Variants in KIZ observed in about 807,000 individuals in gnomAD.
The protein encoded by KIZ is kizuna centrosomal protein.
Under a neutral mutation model 79.6 loss-of-function variants are expected in KIZ, and 68 were observed. That is an observed-to-expected ratio of 0.85 (90% confidence interval 0.70 to 1.05). KIZ has a LOEUF of 1.05. Among genes scored for constraint, KIZ ranks in the 50% least tolerant of loss-of-function variants. The probability of loss-of-function intolerance (pLI) is 0.00; values close to 1 mark genes in which losing one functional copy is unlikely to be tolerated. For synonymous variants in KIZ, 280 were observed against 281.8 expected (o/e 0.99, Z 0.06); for missense variants, 797 against 800.4 (o/e 1.00, Z 0.05).
chr20:21,199,281 T>G (rs1196685501), intron 6 of KIZ, among the ~76,000 whole-genome samples: 2 of 152,356 alleles, frequency 1.3e-5, no homozygotes, highest in East Asian at 3.9e-4. Context: ...TCTACAGTTA[T>G]GTGTAAATCA....
At chr20:21,158,946 C>T (rs534423237) in intron 4 of KIZ, among the ~76,000 whole-genome samples, 1 of 151,724 alleles carries the variant, frequency 6.6e-6, no homozygotes, top group East Asian at 1.9e-4. Flanking sequence ...GTGTGTGCCA[C>T]CATGCCCAGC....
chr20:21,200,409 A>G (rs542645590), intron 6 of KIZ, among the ~76,000 whole-genome samples: 3 of 152,020 alleles, frequency 2.0e-5, no homozygotes, highest in East Asian at 3.9e-4. Flanking sequence ...CTTTATTTCT[A>G]TTATTATTAC....
rs1446646906 is a variant in KIZ at position 21,162,277 on chromosome 20, C to T, written c.812C>T (p.Ser271Phe). 6.2e-7 allele frequency: 1 copy of T among 1,613,906 alleles called. No individual in the cohort carries two copies. The highest frequency in any genetic ancestry group is 1.1e-5 in the South Asian group (1 of 91,080). ...GKSNLSEGKKSAELNSPLRER... is the reference protein window; with the variant it reads ...GKSNLSEGKKFAELNSPLRER... The stretch of plus-strand genomic sequence containing the variant: ...AGTAATTTATCTGAAGGCAAAAAGT[C>T]TGCTGAACTCAATTCCCCGTTACGG... The change falls in exon 5 of 13, where the codon TCT (serine) becomes TTT (phenylalanine). Residue 271 changes from serine (S) to phenylalanine (F), a missense_variant. Physicochemically the swap from Ser to Phe is radical, Grantham distance 155. Coordinates refer to ENST00000619189, the MANE Select transcript of KIZ (RefSeq NM_018474.6).
At chr20:21,148,103 C>T (rs893899581) in intron 4 of KIZ, among the ~76,000 whole-genome samples, 2 of 151,552 alleles carry the variant, frequency 1.3e-5, no homozygotes, top group Admixed American at 6.6e-5. Context: ...GGGAGGAGTA[C>T]GTGGAACTGA....
chr20:21,153,037 A>T (rs1428242340), intron 4 of KIZ, among the ~76,000 whole-genome samples: 1 of 152,232 alleles, frequency 6.6e-6, no homozygotes, highest in Admixed American at 6.5e-5. Context: ...AGAGGTTTGC[A>T]TTGGAGTCCT....
At chr20:21,240,228 G>A (rs977791808) in intron 11 of KIZ, among the ~76,000 whole-genome samples, 2 of 152,198 alleles carry the variant, frequency 1.3e-5, no homozygotes, top group South Asian at 2.1e-4. Context: ...AGGTTCAAGC[G>A]ATTCTTCTGC....
intron 6 of KIZ, chr20:21,195,653 A>C: frequency 6.6e-6 from 1 of 151,770 alleles, no homozygotes; most frequent in East Asian, 1.9e-4. Context: ...CTTGGGCTGC[A>C]GATAGGTTCT....
At chr20:21,154,993 T>A (rs2033305248) in intron 4 of KIZ, among the ~76,000 whole-genome samples, 2 of 152,242 alleles carry the variant, frequency 1.3e-5, no homozygotes, top group Admixed American at 1.3e-4. Context: ...CAGCATTGTC[T>A]TATAGTGAGC....
At chr20:21,225,641 T>C (rs554936978) in intron 9 of KIZ, among the ~76,000 whole-genome samples, 1 of 152,336 alleles carries the variant, frequency 6.6e-6, no homozygotes, top group African/African-American at 2.4e-5. Context: ...ATTTAATAAC[T>C]ATGAATTTGC....
intron 1 of KIZ, among the ~76,000 whole-genome samples, chr20:21,127,014 G>A (rs1018606036): frequency 4.6e-5 from 7 of 152,192 alleles, no homozygotes; most frequent in African/African-American, 1.7e-4. Flanking sequence ...AGTGTTAAAA[G>A]TTACAAAATC....
chr20:21,148,830 A>G (rs1416426396), intron 4 of KIZ: 2 of 152,182 alleles, frequency 1.3e-5, no homozygotes, highest in Non-Finnish European at 2.9e-5. Context: ...TCAGGGATGG[A>G]TAGGTGTGGA....
intron 8 of KIZ, 21 bp from the exon 9 acceptor site, chr20:21,215,562 T>TA (rs906766150): frequency 1.3e-6 from 2 of 1,481,892 alleles, no homozygotes; most frequent in African/African-American, 2.8e-5. Context: ...ACTTTTTTTT[T>TA]ATTATGCATT....
intron 11 of KIZ, among the ~76,000 whole-genome samples, chr20:21,237,959 A>G (rs1211258127): frequency 1.3e-5 from 2 of 152,150 alleles, no homozygotes; most frequent in African/African-American, 2.4e-5. Flanking sequence ...CCTCCCAAGT[A>G]GCTGAGACCA....
chr20:21,194,433 T>C (rs2035251043), intron 6 of KIZ: 1 of 152,252 alleles, frequency 6.6e-6, no homozygotes, highest in East Asian at 1.9e-4. Flanking sequence ...ACACATAGTC[T>C]TTAATATTTA....
intron 6 of KIZ, among the ~76,000 whole-genome samples, chr20:21,163,924 CTT>C (rs2033811987): frequency 1.3e-5 from 2 of 152,184 alleles, no homozygotes; most frequent in South Asian, 4.1e-4. Context: ...CATCAAATCT[CTT>C]TTAGGGGTAG....
At chr20:21,228,063 C>T (rs1467159938) in intron 9 of KIZ, among the ~76,000 whole-genome samples, 1 of 152,042 alleles carries the variant, frequency 6.6e-6, no homozygotes, top group Admixed American at 6.6e-5. Flanking sequence ...TTTTATTCTT[C>T]AGTGTGATGG....
chr20:21,142,235 GC>G (rs1307658857), intron 3 of KIZ, among the ~76,000 whole-genome samples: 1 of 151,956 alleles, frequency 6.6e-6, no homozygotes, highest in Non-Finnish European at 1.5e-5. Context: ...CCCCTGCCCT[GC>G]CTTAGGTCTG....
At chr20:21,171,961 T>G (rs1391611765) in intron 6 of KIZ, among the ~76,000 whole-genome samples, 4 of 152,206 alleles carry the variant, frequency 2.6e-5, no homozygotes, top group Admixed American at 6.5e-5. Context: ...GCTGGACATA[T>G]AGGTGAAGCC....
At chr20:21,209,224 T>C (rs1282984743) in intron 7 of KIZ, among the ~76,000 whole-genome samples, 1 of 152,202 alleles carries the variant, frequency 6.6e-6, no homozygotes, top group African/African-American at 2.4e-5. Context: ...CCAGATAAGG[T>C]CTGCAGTGCC....
Sources: allele counts gnomAD v4.1 joint callset (sites outside exome capture counted in the v4.1 genomes callset), GRCh38; gene constraint gnomAD v4.1.1; transcripts MANE v1.5; gene names NCBI Gene and HGNC (gene_info 2026-07-23, HGNC 2026-07-21).